The following ANO10 variants were observed in gnomAD, a reference collection of about 807,000 sequenced individuals.
ANO10 encodes the protein anoctamin 10, also known as anoctamin-10.
Under a neutral mutation model 74.7 loss-of-function variants are expected in ANO10, and 77 were observed. The observed-to-expected ratio is 1.03, with a 90% CI of 0.86 to 1.25. ANO10 has a LOEUF of 1.25. Among genes scored for constraint, ANO10 ranks in the 50% most tolerant of loss-of-function variants. The probability of loss-of-function intolerance (pLI) is 0.00; values close to 1 mark genes in which losing one functional copy is unlikely to be tolerated. For synonymous variants in ANO10, 279 were observed against 284.9 expected (o/e 0.98, Z 0.21); for missense variants, 721 against 778.1 (o/e 0.93, Z 0.87).
chr3:43,624,551 C>G (rs572665073), upstream of ANO10, among the ~76,000 whole-genome samples: 1 of 152,304 alleles, frequency 6.6e-6, no homozygotes, highest in African/African-American at 2.4e-5. Flanking sequence ...TGTGATATGC[C>G]TGCTCCCCCT....
At chr3:43,426,594 C>G (rs910876267) in intron 12 of ANO10, among the ~76,000 whole-genome samples, 66 of 152,086 alleles carry the variant, frequency 4.3e-4, no homozygotes, top group Non-Finnish European at 5.6e-4. Flanking sequence ...GGCTGACTGC[C>G]CAGAAGCAGG....
At chr3:43,684,440 A>G (rs1317550744) in intron 1 of ANO10, among the ~76,000 whole-genome samples, 13 of 152,132 alleles carry the variant, frequency 8.5e-5, no homozygotes, top group African/African-American at 2.2e-4. Context: ...AACAGGTGCT[A>G]GAGAGGATGT....
chr3:43,507,999 A>G (rs1490246109), intron 11 of ANO10, among the ~76,000 whole-genome samples: 4 of 152,236 alleles, frequency 2.6e-5, no homozygotes, highest in Non-Finnish European at 5.9e-5. Flanking sequence ...ACACTGAAAT[A>G]AAGTATAATT....
At chr3:43,533,512 TAGTAAC>T (rs1254657559) in intron 11 of ANO10, among the ~76,000 whole-genome samples, 5 of 152,192 alleles carry the variant, frequency 3.3e-5, no homozygotes, top group African/African-American at 4.8e-5. Context: ...GCTTTGGCCT[TAGTAAC>T]AGTAAAGAAA....
At chr3:43,484,919 C>A in intron 11 of ANO10, 1 of 712,282 alleles carries the variant, frequency 1.4e-6, no homozygotes, top group Non-Finnish European at 2.3e-6. Context: ...TTTTTTTTTT[C>A]ACCGGGGCGT....
chr3:43,573,217 T>A (rs1356669228), intron 7 of ANO10, among the ~76,000 whole-genome samples: 2 of 152,192 alleles, frequency 1.3e-5, no homozygotes, highest in East Asian at 3.8e-4. Context: ...CTAGCTGATT[T>A]AGCACCAACA....
chr3:43,675,095 T>C (rs565950568), intron 1 of ANO10, among the ~76,000 whole-genome samples: 1 of 152,308 alleles, frequency 6.6e-6, no homozygotes, highest in East Asian at 1.9e-4. Context: ...CATAAGAGTC[T>C]ACCTACTAAT....
At chr3:43,455,877 C>T (rs1009591345) in intron 11 of ANO10, among the ~76,000 whole-genome samples, 11 of 151,744 alleles carry the variant, frequency 7.2e-5, no homozygotes, top group Admixed American at 3.3e-4. Context: ...TGGTACATGA[C>T]GCAGTATTTA....
chr3:43,513,056 G>A (rs1426148286), intron 11 of ANO10, among the ~76,000 whole-genome samples: 1 of 152,208 alleles, frequency 6.6e-6, no homozygotes. Context: ...GCAACAGATA[G>A]CTCAGGAGGT....
At chr3:43,539,122 A>T (rs530803472) in intron 11 of ANO10, among the ~76,000 whole-genome samples, 13 of 151,956 alleles carry the variant, frequency 8.6e-5, no homozygotes, top group South Asian at 4.2e-4. Context: ...CCCTAAGAAA[A>T]CCTACAGTCT....
intron 1 of ANO10, among the ~76,000 whole-genome samples, chr3:43,683,099 G>A (rs2084223550): frequency 6.6e-6 from 1 of 152,108 alleles, no homozygotes; most frequent in Non-Finnish European, 1.5e-5. Context: ...GGCAGGAGAA[G>A]GAAATAAAGG....
intron 12 of ANO10, among the ~76,000 whole-genome samples, chr3:43,391,323 C>T (rs1451172736): frequency 6.6e-6 from 1 of 152,128 alleles, no homozygotes; most frequent in Non-Finnish European, 1.5e-5. Context: ...AACAATAAAG[C>T]TGCAACTGAC....
chr3:43,539,853 G>C (rs2078878299), intron 11 of ANO10, among the ~76,000 whole-genome samples: 1 of 152,154 alleles, frequency 6.6e-6, no homozygotes, highest in African/African-American at 2.4e-5. Flanking sequence ...TCTATTCTGA[G>C]TGTAAAACGA....
chr3:43,382,805 AC>A (rs752002304), intron 12 of ANO10, among the ~76,000 whole-genome samples: 4 of 152,308 alleles, frequency 2.6e-5, no homozygotes, highest in South Asian at 4.1e-4. Context: ...GAAATATACA[AC>A]CCTCCTAGTT....
intron 1 of ANO10, among the ~76,000 whole-genome samples, chr3:43,674,323 A>T (rs556918590): frequency 2.0e-5 from 3 of 151,950 alleles, no homozygotes; most frequent in African/African-American, 7.2e-5. Context: ...ACTTATTTTT[A>T]TTTTTTCGTA....
At chr3:43,555,073 C>T (rs943791504) in intron 10 of ANO10, among the ~76,000 whole-genome samples, 4 of 152,078 alleles carry the variant, frequency 2.6e-5, no homozygotes, top group Admixed American at 2.0e-4. Context: ...TATTTATCTC[C>T]CCTAACCCCC....
intron 4 of ANO10, among the ~76,000 whole-genome samples, chr3:43,597,651 T>C (rs1304597615): frequency 6.6e-6 from 1 of 152,096 alleles, no homozygotes; most frequent in Non-Finnish European, 1.5e-5. Context: ...TTAGGAGATA[T>C]ACCTAATGTA....
intron 1 of ANO10, among the ~76,000 whole-genome samples, chr3:43,660,357 G>C (rs1419810941): frequency 6.6e-6 from 1 of 152,046 alleles, no homozygotes; most frequent in Non-Finnish European, 1.5e-5. Context: ...TTGAAAAAAG[G>C]TTAGATCAAG....
intron 7 of ANO10, among the ~76,000 whole-genome samples, chr3:43,573,805 A>G (rs919250966): frequency 3.9e-5 from 6 of 152,218 alleles, no homozygotes; most frequent in African/African-American, 1.4e-4. Flanking sequence ...TTGGAAATCT[A>G]ACAAAAAAAA....
Sources: allele counts gnomAD v4.1 joint callset (sites outside exome capture counted in the v4.1 genomes callset), GRCh38; gene constraint gnomAD v4.1.1; transcripts MANE v1.5; gene names NCBI Gene and HGNC (gene_info 2026-07-23, HGNC 2026-07-21).